The following CREBBP variants were observed in gnomAD, a reference collection of about 807,000 sequenced individuals.
The protein encoded by CREBBP is CREB binding lysine acetyltransferase, also known as CREB-binding protein.
In CREBBP, 19 loss-of-function variants were observed where a neutral mutation model predicts 265.0. The ratio of observed to expected loss-of-function variants is 0.07; its 90% CI spans 0.05 to 0.11. The LOEUF (loss-of-function observed/expected upper bound fraction) is 0.11, where lower values mean the gene tolerates loss of function less well. Among genes scored for constraint, CREBBP ranks in the 10% least tolerant of loss-of-function variants. The probability of loss-of-function intolerance (pLI) is 1.00; values close to 1 mark genes in which losing one functional copy is unlikely to be tolerated. For missense variants in CREBBP, 2,525 were observed against 3,219.0 expected, an observed-to-expected ratio of 0.78 and a Z score of 5.22; for synonymous variants, 1,457 against 1,223.7, an observed-to-expected ratio of 1.19 and a Z score of -3.98.
At chr16:3,839,206 A>G (rs1352461798) in intron 2 of CREBBP, among the ~76,000 whole-genome samples, 1 of 152,216 alleles carries the variant, frequency 6.6e-6, no homozygotes, top group Non-Finnish European at 1.5e-5. Context: ...CTGGATGTGA[A>G]CTGAGTCAGC....
At chr16:3,803,017 G>C (rs1436756092) in intron 3 of CREBBP, among the ~76,000 whole-genome samples, 1 of 151,968 alleles carries the variant, frequency 6.6e-6, no homozygotes, top group South Asian at 2.1e-4. Flanking sequence ...CAAAGAAAAT[G>C]CTCATTAAAT....
At chr16:3,734,664 C>A (rs1248598900) in intron 28 of CREBBP, among the ~76,000 whole-genome samples, 1 of 152,192 alleles carries the variant, frequency 6.6e-6, no homozygotes, top group African/African-American at 2.4e-5. Flanking sequence ...TGCTTAGGAG[C>A]CACCTAGGGC....
rs535758940 is a variant in CREBBP at position 3,790,871 on chromosome 16, C to T, written c.1330+1110G>A. On this transcript the variant is annotated intron_variant, in intron 5 of 30. Transcript: ENST00000262367. ...GGGCTGTCACTGGCACGCCACTCCA[C>T]AGTACTCTTAGGAACAAAGCACTTT... Among the ~76,000 whole-genome samples the T allele has an allele frequency of 2.1e-4, 32 of 152,306 alleles. 1 individual carries two copies. In the South Asian group the frequency reaches 6.2e-3, roughly 30 times the overall value.
chr16:3,744,108 T>C (rs1314816143), intron 23 of CREBBP, among the ~76,000 whole-genome samples: 1 of 151,788 alleles, frequency 6.6e-6, no homozygotes, highest in Non-Finnish European at 1.5e-5. Context: ...TCATGCAAAG[T>C]TACTTCTAGC....
Position 3,758,917 on chromosome 16 carries a change from A to G in CREBBP, c.3306T>C (p.Tyr1102=). 6.2e-7 allele frequency: 1 copy of G among 1,613,130 alleles called. No homozygotes were observed. The highest frequency in any genetic ancestry group is 8.5e-7 in the Non-Finnish European group (1 of 1,180,028). The part of the protein sequence containing the change: ...QALMPTLEAL[Y]RQDPESLPFR... ...AAGGTAATGACTCTGGGTCCTGTCG[A>G]TACAGTGCTTCTAGGGTTGGCATGA... is the stretch of plus-strand genomic sequence containing the variant. The change falls in exon 17 of 31, where the codon TAT becomes TAC. Residue 1102 remains tyrosine, a synonymous_variant. Coordinates refer to ENST00000262367, the MANE Select transcript of CREBBP (RefSeq NM_004380.3).
At chr16:3,848,565 T>C (rs1044989353) in intron 2 of CREBBP, among the ~76,000 whole-genome samples, 3 of 152,182 alleles carry the variant, frequency 2.0e-5, no homozygotes, top group Non-Finnish European at 4.4e-5. Context: ...AGAGGTATAC[T>C]GCACATGTTA....
chr16:3,767,580 A>C, intron 16 of CREBBP, 140 bp downstream of exon 16: 1 of 1,143,772 alleles, frequency 8.7e-7, no homozygotes, highest in African/African-American at 1.5e-5. Flanking sequence ...TCTGCAGGGG[A>C]AAGTCTGGGG....
chr16:3,824,839 A>G (rs2054207946), intron 2 of CREBBP, among the ~76,000 whole-genome samples: 1 of 152,128 alleles, frequency 6.6e-6, no homozygotes, highest in Admixed American at 6.6e-5. Context: ...CACTGTCCCC[A>G]ATCTCTACGC....
At chr16:3,846,852 A>AT (rs2054678449) in intron 2 of CREBBP, among the ~76,000 whole-genome samples, 1 of 152,236 alleles carries the variant, frequency 6.6e-6, no homozygotes, top group South Asian at 2.1e-4. Flanking sequence ...TTTGGTGAGA[A>AT]TTTGGGAGAA....
chr16:3,878,303 G>A (rs2055445235), intron 1 of CREBBP, among the ~76,000 whole-genome samples: 1 of 152,172 alleles, frequency 6.6e-6, no homozygotes, highest in African/African-American at 2.4e-5. Context: ...TTAAACTACT[G>A]TTTCCAAATT....
chr16:3,750,934 G>A (rs982197046), intron 20 of CREBBP, among the ~76,000 whole-genome samples: 1 of 152,156 alleles, frequency 6.6e-6, no homozygotes, highest in South Asian at 2.1e-4. Context: ...GGTTTCTCAG[G>A]TATAACTGAA....
intron 2 of CREBBP, among the ~76,000 whole-genome samples, chr16:3,815,089 A>C (rs572819292): frequency 4.6e-5 from 7 of 152,380 alleles, no homozygotes; most frequent in Non-Finnish European, 8.8e-5. Context: ...AATTCCTAGT[A>C]TATATCTATT....
intron 2 of CREBBP, among the ~76,000 whole-genome samples, chr16:3,843,871 G>A (rs1026121630): frequency 1.8e-4 from 28 of 151,964 alleles, no homozygotes; most frequent in East Asian, 1.9e-4. Context: ...ACTTTCGGCC[G>A]GGCGCGGTGG....
chr16:3,861,989 C>T lies in CREBBP; in HGVS notation c.86-10980G>A, dbSNP rs543793477. Among the ~76,000 whole-genome samples, 157 of 152,294 alleles carry T rather than the reference C, an allele frequency of 1.0e-3. No individual in the cohort carries two copies. In the Middle Eastern group the frequency reaches 0.014, roughly 13 times the overall value. On this transcript the variant is annotated intron_variant, in intron 1 of 30. Transcript: ENST00000262367. ...GAGCTCGGCCGGCAGCCCCCACCCT[C>T]TCCTCCCCAGGAGAAGGAAGCGAGT...
At chr16:3,839,992 C>G (rs1349072814) in intron 2 of CREBBP, among the ~76,000 whole-genome samples, 1 of 151,978 alleles carries the variant, frequency 6.6e-6, no homozygotes, top group Non-Finnish European at 1.5e-5. Flanking sequence ...TAATAAGATC[C>G]CTGAGCCAGT....
chr16:3,825,857 T>C (rs77252711), intron 2 of CREBBP, among the ~76,000 whole-genome samples: 3,519 of 152,292 alleles, frequency 0.023, 138 homozygotes, highest in African/African-American at 0.08. Flanking sequence ...AAGGAAGAAT[T>C]CATAATCATA....
chr16:3,731,799 C>T lies in CREBBP; in HGVS notation c.4867G>A (p.Ala1623Thr), dbSNP rs1246776885. 6.2e-7 allele frequency: 1 copy of T among 1,614,274 alleles called. No homozygotes were observed. Among genetic ancestry groups the T allele is most frequent in the Admixed American group, 1.7e-5 (1 of 60,034 alleles). Residue 1623 changes from alanine (A) to threonine (T), a missense_variant, in exon 29 of 31, where the codon GCC (alanine) becomes ACC (threonine). Ala to Thr is a moderately conservative substitution (Grantham distance 58, BLOSUM62 0). This residue lies in a region of CREBBP where 93 missense variants were observed against 161.5 expected (regional missense o/e 0.58). Coordinates refer to ENST00000262367, the MANE Select transcript of CREBBP (RefSeq NM_004380.3). This position sits in a 1 kb window ranked among gnomAD's most constrained non-coding sequence, Gnocchi z 7.7. ...ACCTCCTTGTGCTTCTCCATGGTGGCATACAGCTTCTGGGACAGGTCATTG... is the reference window on the plus strand; with the variant it reads ...ACCTCCTTGTGCTTCTCCATGGTGGTATACAGCTTCTGGGACAGGTCATTG... ...VSNDLSQKLY[A>T]TMEKHKEVFF...
At chr16:3,745,010 G>A (rs1567276911) in intron 22 of CREBBP, 49 bp from the exon 23 acceptor site, 8 of 1,356,450 alleles carry the variant, frequency 5.9e-6, no homozygotes, top group Non-Finnish European at 5.3e-6. Context: ...GATGTAAATT[G>A]TCAAACCAAC....
intron 2 of CREBBP, among the ~76,000 whole-genome samples, chr16:3,834,144 G>A (rs1340265347): frequency 6.6e-6 from 1 of 152,202 alleles, no homozygotes; most frequent in South Asian, 2.1e-4. Context: ...TAGTGCAACA[G>A]GAACTCTCAT....
Sources: allele counts gnomAD v4.1 joint callset (sites outside exome capture counted in the v4.1 genomes callset), GRCh38; gene constraint gnomAD v4.1.1; regional missense constraint gnomAD v4.1.1; non-coding constraint Gnocchi (gnomAD v3.1); transcripts MANE v1.5; gene names NCBI Gene and HGNC (gene_info 2026-07-23, HGNC 2026-07-21).